The following VRK3 variants were observed in gnomAD, a reference collection of about 807,000 sequenced individuals.
VRK3 encodes the protein serine/threonine-protein kinase VRK3.
Under a neutral mutation model 60.4 loss-of-function variants are expected in VRK3, and 50 were observed. That is an observed-to-expected ratio of 0.83 (90% CI 0.66 to 1.05). The LOEUF (loss-of-function observed/expected upper bound fraction) is 1.05, where lower values mean the gene tolerates loss of function less well. Among genes scored for constraint, VRK3 ranks in the 50% least tolerant of loss-of-function variants. The pLI, the probability that VRK3 is intolerant of heterozygous loss-of-function variation, is 0.00. For missense variants in VRK3, 549 were observed against 585.3 expected (o/e 0.94, Z 0.64); for synonymous variants, 246 against 227.8 (o/e 1.08, Z -0.72).
intron 4 of VRK3, 125 bp from the exon 5 acceptor site, chr19:50,007,951 A>G (rs2076926994): frequency 4.4e-6 from 6 of 1,360,522 alleles, no homozygotes; most frequent in Non-Finnish European, 6.0e-6. Context: ...ATTTCCTGGG[A>G]CCTTCTATGA....
chr19:49,977,456 C>G (rs896339877), intron 14 of VRK3, among the ~76,000 whole-genome samples: 1 of 152,106 alleles, frequency 6.6e-6, no homozygotes, highest in African/African-American at 2.4e-5. Flanking sequence ...TCTAAATGCC[C>G]TTTGCCCTGG....
chr19:49,981,740 G>T, intron 12 of VRK3: 1 of 1,014,290 alleles, frequency 9.9e-7, no homozygotes, highest in Non-Finnish European at 1.2e-6. Flanking sequence ...AGGTCCTGGG[G>T]GCACACCGCA....
At chr19:49,981,055 G>GGA (rs1568769874) in intron 12 of VRK3, 42 bp from the exon 13 acceptor site, 1 of 1,584,368 alleles carries the variant, frequency 6.3e-7, no homozygotes, top group Admixed American at 1.7e-5. Context: ...CTTAGGGAAA[G>GGA]GAGAGCAACC....
chr19:50,019,792 C>T (rs149953058), intron 2 of VRK3, among the ~76,000 whole-genome samples: 1 of 144,518 alleles, frequency 6.9e-6, no homozygotes, highest in African/African-American at 2.5e-5. Context: ...CCTGCCTTGG[C>T]TTCCCAAAGT....
At chr19:49,990,719 CTA>C (rs10541451) in intron 10 of VRK3, among the ~76,000 whole-genome samples, 7,943 of 152,046 alleles carry the variant, frequency 0.052, 686 homozygotes, top group African/African-American at 0.18. Context: ...TATGTAAGAC[CTA>C]TATACACTTC....
chr19:50,023,207 TG>T (rs2122721918), intron 1 of VRK3, among the ~76,000 whole-genome samples: 1 of 152,314 alleles, frequency 6.6e-6, no homozygotes, highest in South Asian at 2.1e-4. Context: ...TTTTTTGAGA[TG>T]GAGTTTGGCT....
chr19:50,015,435 A>G (rs944534415), intron 3 of VRK3, among the ~76,000 whole-genome samples: 1 of 152,082 alleles, frequency 6.6e-6, no homozygotes, highest in African/African-American at 2.4e-5. Context: ...CAGACTCCCA[A>G]GTAGGTGGGA....
At chr19:50,014,552 G>A (rs1487693000) in intron 3 of VRK3, among the ~76,000 whole-genome samples, 1 of 149,224 alleles carries the variant, frequency 6.7e-6, no homozygotes. Context: ...ACCCCAGCCT[G>A]GGCGAAAGAG....
In VRK3 at chr19:49,994,714, G is replaced by A. The variant is rs535999819; in HGVS notation, c.870+100C>T. On this transcript the variant is annotated intron_variant, in intron 9 of 14. Coordinates refer to ENST00000316763, the MANE Select transcript of VRK3 (RefSeq NM_016440.4). ...AGCCAGCCCCCAGTGTGCAGCGGAGGGGGGTGGGGGCCGGAAGTGTCAATG... is the reference window on the plus strand; with the variant it reads ...AGCCAGCCCCCAGTGTGCAGCGGAGAGGGGTGGGGGCCGGAAGTGTCAATG... 82 of 1,044,636 alleles carry A rather than the reference G, an allele frequency of 7.8e-5. No individual in the cohort carries two copies. The African/African-American group carries it at 1.2e-3, about 15-fold the overall frequency. 64.7% of individuals were successfully genotyped at this position (1,044,636 alleles called of 1,614,324 possible).
chr19:49,987,869 A>C (rs1003769942), intron 12 of VRK3: 1 of 152,062 alleles, frequency 6.6e-6, no homozygotes, highest in African/African-American at 2.4e-5. Context: ...TGCCTGGCTA[A>C]TTTTTTGTAT....
At chr19:50,015,366 T>C (rs1244852176) in intron 3 of VRK3, among the ~76,000 whole-genome samples, 3 of 152,010 alleles carry the variant, frequency 2.0e-5, no homozygotes, top group African/African-American at 7.2e-5. Flanking sequence ...TGCAGTGCAA[T>C]GGTGCAATCT....
intron 5 of VRK3, among the ~76,000 whole-genome samples, chr19:50,002,459 G>C (rs758409344): frequency 6.6e-6 from 1 of 152,142 alleles, no homozygotes; most frequent in Non-Finnish European, 1.5e-5. Context: ...TCATGACCAA[G>C]CATCCGCCCA....
Position 49,979,214 on chromosome 19 carries a change from C to T in VRK3, c.1305G>A (p.Val435=), listed in dbSNP as rs771557064. 1.2e-6 allele frequency: 2 copies of T among 1,614,088 alleles called. No homozygotes were observed. Among genetic ancestry groups the T allele is most frequent in the South Asian group, 2.2e-5 (2 of 91,072 alleles). Residue 435 remains valine (V), a synonymous_variant, in exon 14 of 15, where the codon GTG becomes GTA. Transcript: ENST00000316763. ...GCTTCTCCTCATACGTGAGGGCCAT[C>T]ACCACCTTCAGGTACTTCTGCAGGG... ...SETLQKYLKV[V]MALTYEEKPP...
intron 3 of VRK3, among the ~76,000 whole-genome samples, chr19:50,010,594 T>C (rs536742494): frequency 5.3e-4 from 81 of 152,314 alleles, no homozygotes; most frequent in African/African-American, 1.8e-3. Context: ...CCCAAACTGG[T>C]GAGAACGTGA....
At chr19:50,000,879 G>A (rs2076793133) in intron 5 of VRK3, 25 bp from the exon 6 acceptor site, 2 of 1,611,494 alleles carry the variant, frequency 1.2e-6, no homozygotes. Context: ...ACAAGGGAGT[G>A]AGGTTATAAC....
chr19:49,990,195 C>G (rs2076586320), intron 10 of VRK3, among the ~76,000 whole-genome samples: 1 of 152,190 alleles, frequency 6.6e-6, no homozygotes, highest in South Asian at 2.1e-4. Flanking sequence ...CAAATGCCAA[C>G]TCAGCCCGCT....
chr19:49,982,931 C>T (rs1198349028), intron 12 of VRK3, among the ~76,000 whole-genome samples: 2 of 152,048 alleles, frequency 1.3e-5, no homozygotes, highest in Non-Finnish European at 2.9e-5. Flanking sequence ...GGTCTCTGAC[C>T]CTGCCTTCGC....
intron 3 of VRK3, among the ~76,000 whole-genome samples, chr19:50,013,746 C>T (rs2077032116): frequency 6.6e-6 from 1 of 152,162 alleles, no homozygotes; most frequent in South Asian, 2.1e-4. Flanking sequence ...CAGCAGGTTA[C>T]AAAACCACAA....
At chr19:49,999,628 G>A (rs1185568343) in intron 6 of VRK3, 1 of 152,284 alleles carries the variant, frequency 6.6e-6, no homozygotes, top group African/African-American at 2.4e-5. Flanking sequence ...CCAGTGCCCT[G>A]TGCTCCCCTC....
Sources: gnomAD v4.1 joint callset for allele counts (sites outside exome capture counted in the v4.1 genomes callset) on GRCh38, gnomAD v4.1.1 for gene constraint, MANE v1.5 for transcripts, NCBI Gene and HGNC (gene_info 2026-07-23, HGNC 2026-07-21) for gene names.